Variants in FGD5 observed in about 807,000 individuals in gnomAD.
FGD5 encodes the protein FYVE, RhoGEF and PH domain containing 5.
FGD5 carries 28 observed loss-of-function variants against 133.4 expected under a neutral mutation model. That is an observed-to-expected ratio of 0.21 (90% CI 0.16 to 0.29). The LOEUF (loss-of-function observed/expected upper bound fraction) is 0.29. FGD5 is among the 10% of genes least tolerant of loss of function. The probability of loss-of-function intolerance (pLI) is 1.00; values close to 1 mark genes in which losing one functional copy is unlikely to be tolerated. For synonymous variants in FGD5, 810 were observed against 776.5 expected, an observed-to-expected ratio of 1.04 and a Z score of -0.72; for missense variants, 1,858 against 1,895.2, an observed-to-expected ratio of 0.98 and a Z score of 0.36.
At chr3:14,901,827 C>T (rs1274724455) in intron 9 of FGD5, among the ~76,000 whole-genome samples, 1 of 152,210 alleles carries the variant, frequency 6.6e-6, no homozygotes, top group Non-Finnish European at 1.5e-5. Flanking sequence ...ATGTGTCAGA[C>T]CTTGTGCTGT....
intron 4 of FGD5, among the ~76,000 whole-genome samples, chr3:14,885,473 G>A (rs531259629): frequency 3.3e-5 from 5 of 152,298 alleles, no homozygotes; most frequent in African/African-American, 9.6e-5. Context: ...TAAACAGTTT[G>A]CTCTTTGATC....
intron 1 of FGD5, among the ~76,000 whole-genome samples, chr3:14,835,333 G>T (rs1157085036): frequency 6.6e-6 from 1 of 152,054 alleles, no homozygotes. Flanking sequence ...CCCCATCTCT[G>T]CTAAAAATAC....
At position 14,843,942 on chromosome 3, in the gene FGD5, G is replaced by A. The variant is rs200559749; in HGVS notation, c.2526-20186G>A. Among the ~76,000 whole-genome samples, 25 of 151,138 alleles carry A rather than the reference G, an allele frequency of 1.7e-4. No homozygotes were observed. The East Asian group carries it at 4.4e-3, about 26-fold the overall frequency. ...ACTCCTGACCTCAGGTGATCTGCTCGCCTCGGCCTCCCAAAGTGCTGGGAT... is the reference window on the plus strand; with the variant it reads ...ACTCCTGACCTCAGGTGATCTGCTCACCTCGGCCTCCCAAAGTGCTGGGAT... On this transcript the variant is annotated intron_variant, in intron 1 of 19. Coordinates refer to ENST00000285046, the MANE Select transcript of FGD5 (RefSeq NM_152536.4).
chr3:14,914,143 C>T (rs188940729), intron 11 of FGD5, among the ~76,000 whole-genome samples: 34 of 152,328 alleles, frequency 2.2e-4, no homozygotes, highest in African/African-American at 7.5e-4. Context: ...GGGAGGAGGG[C>T]GGCCCGACAG....
At chr3:14,928,475 T>A (rs913544178) in intron 18 of FGD5, among the ~76,000 whole-genome samples, 1 of 152,210 alleles carries the variant, frequency 6.6e-6, no homozygotes, top group African/African-American at 2.4e-5. Context: ...CCGGGCATGG[T>A]GGCTCATGCC....
rs568606748 is a variant in FGD5, at chr3:14,907,560, C to A, written c.3265-80C>A. 6.1e-6 allele frequency: 8 copies of A among 1,309,710 alleles called. No homozygotes were observed. In the Admixed American group the frequency reaches 8.4e-5, roughly 14 times the overall value. The allele number at this position is 1,309,710 out of a possible 1,614,324, so 81.1% of individuals were successfully genotyped here. A position where few individuals can be genotyped will look rare whatever the true frequency, so the allele number is the denominator to read the frequency against. ...GCTTCATTTTTGTCTGAAACAGAAG[C>A]AACGCCATGCCTTACAGAGGAGATA... On this transcript the variant is annotated intron_variant, in intron 9 of 19. Coordinates refer to ENST00000285046, the MANE Select transcript of FGD5 (RefSeq NM_152536.4).
intron 1 of FGD5, among the ~76,000 whole-genome samples, chr3:14,812,023 T>C (rs1400636222): frequency 1.1e-4 from 10 of 95,194 alleles, no homozygotes; most frequent in Non-Finnish European, 2.1e-4. Flanking sequence ...TGTGTGTGTG[T>C]GTGTGTGTAT....
intron 1 of FGD5, 127 bp downstream of exon 1, chr3:14,821,723 G>A: frequency 1.5e-6 from 2 of 1,315,846 alleles, no homozygotes; most frequent in Non-Finnish European, 2.0e-6. Context: ...GTGTTGACTT[G>A]GGGTGAGTGG....
chr3:14,811,310 T>C (rs955883518), intron 1 of FGD5: 1 of 152,072 alleles, frequency 6.6e-6, no homozygotes, highest in Non-Finnish European at 1.5e-5. Flanking sequence ...GTCCCGGAGC[T>C]CTCTTCGACT....
At chr3:14,901,196 C>T (rs1057093361) in intron 9 of FGD5, 135 bp downstream of exon 9, 31 of 949,220 alleles carry the variant, frequency 3.3e-5, no homozygotes, top group African/African-American at 8.1e-5. Context: ...TGCAGAGAGC[C>T]GTGGGTTCTG....
intron 16 of FGD5, 104 bp from the exon 17 acceptor site, chr3:14,923,904 C>A: frequency 7.1e-7 from 1 of 1,417,226 alleles, no homozygotes; most frequent in Non-Finnish European, 9.6e-7. Context: ...CACTTAACCC[C>A]CATGGCTCAC....
At chr3:14,882,395 G>T (rs2037842355) in intron 4 of FGD5, 3 of 973,924 alleles carry the variant, frequency 3.1e-6, no homozygotes, top group Non-Finnish European at 3.7e-6. Flanking sequence ...TGAAGGGAGA[G>T]CCCATAAAAG....
chr3:14,819,716 G>A lies in FGD5; in HGVS notation c.645G>A (p.Glu215=). The change falls in exon 1 of 20, where the codon GAG becomes GAA. Residue 215 remains glutamate (E), a synonymous_variant. Transcript: ENST00000285046. This position sits in a 1 kb window ranked among gnomAD's most constrained non-coding sequence, Gnocchi z 4.1. The part of the protein sequence containing the change: ...EPPDTPGEAE[E]DDEEGCASTD... ...CCGACACCCCCGGGGAGGCAGAGGAGGATGATGAGGAAGGCTGTGCCAGCA... is the reference window on the plus strand; with the variant it reads ...CCGACACCCCCGGGGAGGCAGAGGAAGATGATGAGGAAGGCTGTGCCAGCA... 6.5e-7 allele frequency: 1 copy of A among 1,535,600 alleles called. No homozygotes were observed. Among genetic ancestry groups the A allele is most frequent in the African/African-American group, 1.4e-5 (1 of 72,870 alleles).
chr3:14,885,799 A>G (rs117285831), intron 4 of FGD5, among the ~76,000 whole-genome samples: 7 of 152,326 alleles, frequency 4.6e-5, no homozygotes, highest in East Asian at 3.9e-4. Flanking sequence ...GACAGTCACA[A>G]AGGTCTACCC....
chr3:14,892,885 A>G (rs181653120), intron 4 of FGD5, among the ~76,000 whole-genome samples: 65 of 152,220 alleles, frequency 4.3e-4, no homozygotes, highest in African/African-American at 1.5e-3. Flanking sequence ...GTCTTGCCCC[A>G]TAGTCCAGCT....
intron 9 of FGD5, among the ~76,000 whole-genome samples, chr3:14,902,505 C>T (rs1438204664): frequency 2.6e-5 from 4 of 151,970 alleles, no homozygotes; most frequent in Non-Finnish European, 4.4e-5. Context: ...GGAGAGAGGT[C>T]GGGCTGGCTG....
chr3:14,821,293 G>A lies in FGD5; in HGVS notation c.2222G>A (p.Arg741Lys), dbSNP rs2036495725. Residue 741 changes from arginine (R) to lysine (K), a missense_variant, in exon 1 of 20, where the codon AGA (arginine) becomes AAA (lysine). By Grantham distance (26) the Arg-to-Lys change is conservative. Around this residue, in one of 3 missense-constraint regions of FGD5, gnomAD observed 1,824 missense variants for 1,848.9 expected, o/e 0.99. Coordinates refer to ENST00000285046, the MANE Select transcript of FGD5 (RefSeq NM_152536.4). Reference protein sequence around the residue: ...KGVPFSRTVSRVESFEDRSRP... With the variant: ...KGVPFSRTVSKVESFEDRSRP... ...GTCCCCTTCAGCAGGACGGTGTCCAGAGTGGAGTCCTTTGAAGACCGCTCC... is the reference window on the plus strand; with the variant it reads ...GTCCCCTTCAGCAGGACGGTGTCCAAAGTGGAGTCCTTTGAAGACCGCTCC... 1.2e-6 allele frequency: 2 copies of A among 1,613,874 alleles called. No homozygotes were observed. Among genetic ancestry groups the A allele is most frequent in the Non-Finnish European group, 1.7e-6 (2 of 1,179,906 alleles).
Position 14,922,030 on chromosome 3 carries a change from G to T in FGD5, c.3669+13G>T. 1 of 1,554,196 alleles carries T rather than the reference G, an allele frequency of 6.4e-7. No individual in the cohort carries two copies. The highest frequency in any genetic ancestry group is 8.7e-7 in the Non-Finnish European group (1 of 1,148,628). ...CCATAGCGTGGAGGTGAGTGGGTGG[G>T]CAGGGCCCACGGGCCACCAGCTTCA... is the stretch of plus-strand genomic sequence containing the variant. On this transcript the variant is annotated intron_variant, in intron 14 of 19. Transcript: ENST00000285046. This position sits in a 1 kb window ranked among gnomAD's most constrained non-coding sequence, Gnocchi z 4.1.
chr3:14,813,105 T>A (rs2036317362), intron 1 of FGD5, among the ~76,000 whole-genome samples: 1 of 152,132 alleles, frequency 6.6e-6, no homozygotes, highest in Non-Finnish European at 1.5e-5. Flanking sequence ...TAACACGTAG[T>A]AGGGTGTAGG....
Sources: gnomAD v4.1 joint callset for allele counts (sites outside exome capture counted in the v4.1 genomes callset) on GRCh38, gnomAD v4.1.1 for gene constraint, gnomAD v4.1.1 regional missense constraint, Gnocchi (gnomAD v3.1) non-coding constraint, MANE v1.5 for transcripts, NCBI Gene and HGNC (gene_info 2026-07-23, HGNC 2026-07-21) for gene names.